Variants in RABGAP1L observed in about 807,000 individuals in gnomAD.
RABGAP1L encodes the protein rab GTPase-activating protein 1-like.
In RABGAP1L, 63 loss-of-function variants were observed where a neutral mutation model predicts 137.7. The observed-to-expected ratio is 0.46, with a 90% CI of 0.37 to 0.56. The LOEUF (loss-of-function observed/expected upper bound fraction) is 0.56. Ranked by LOEUF, RABGAP1L falls within the 20% of genes least tolerant of loss-of-function variation. The pLI is 0.00. For synonymous variants in RABGAP1L, 431 were observed against 433.7 expected (o/e 0.99, Z 0.08); for missense variants, 1,095 against 1,244.0 (o/e 0.88, Z 1.80).
At chr1:174,383,327 G>T (rs1686375882) in intron 12 of RABGAP1L, among the ~76,000 whole-genome samples, 1 of 151,454 alleles carries the variant, frequency 6.6e-6, no homozygotes, top group Non-Finnish European at 1.5e-5. Context: ...CCCAGTTCGA[G>T]CTTCCTGGCT....
rs770096406 is a variant in RABGAP1L at position 174,992,724 on chromosome 1, C to T, written c.*2723C>T. On this transcript the variant is annotated 3_prime_UTR_variant, in exon 26 of 26. Coordinates refer to ENST00000681986, the MANE Select transcript of RABGAP1L (RefSeq NM_001366446.1). ...ACAATATGTTATAATAGCAATATTCCAAACAATATGTCCTTCACTGTCTAT... is the reference window on the plus strand; with the variant it reads ...ACAATATGTTATAATAGCAATATTCTAAACAATATGTCCTTCACTGTCTAT... 4 of 152,108 alleles carry T rather than the reference C, an allele frequency of 2.6e-5. No individual in the cohort carries two copies. The highest frequency in any genetic ancestry group is 5.9e-5 in the Non-Finnish European group (4 of 68,018). 9.4% of individuals were successfully genotyped at this position (152,108 alleles called of 1,614,324 possible). A position where few individuals can be genotyped will look rare whatever the true frequency, so the allele number is the denominator to read the frequency against.
At chr1:174,487,630 A>G (rs2149345032) in intron 13 of RABGAP1L, among the ~76,000 whole-genome samples, 1 of 152,188 alleles carries the variant, frequency 6.6e-6, no homozygotes, top group South Asian at 2.1e-4. Context: ...ATTCAATGTT[A>G]TTATTGGTAA....
At chr1:174,791,372 T>TA (rs1170966298) in intron 18 of RABGAP1L, among the ~76,000 whole-genome samples, 1 of 152,164 alleles carries the variant, frequency 6.6e-6, no homozygotes, top group Admixed American at 6.6e-5. Flanking sequence ...ATGAAGATGT[T>TA]AGAGATTGCA....
At chr1:174,403,589 G>A (rs1043303568) in intron 13 of RABGAP1L, among the ~76,000 whole-genome samples, 3 of 151,986 alleles carry the variant, frequency 2.0e-5, no homozygotes, top group Non-Finnish European at 2.9e-5. Flanking sequence ...CTCATGATTA[G>A]CTTCTGCTAT....
intron 19 of RABGAP1L, among the ~76,000 whole-genome samples, chr1:174,817,445 C>T (rs1690556691): frequency 6.6e-6 from 1 of 151,726 alleles, no homozygotes; most frequent in African/African-American, 2.4e-5. Flanking sequence ...ATGCAGAAGC[C>T]CATAGGTAAA....
At chr1:174,281,359 G>C (rs1002615804) in intron 10 of RABGAP1L, among the ~76,000 whole-genome samples, 1 of 152,134 alleles carries the variant, frequency 6.6e-6, no homozygotes, top group Non-Finnish European at 1.5e-5. Flanking sequence ...ACAGAGTGCT[G>C]TTTGGTGTGT....
intron 14 of RABGAP1L, among the ~76,000 whole-genome samples, chr1:174,661,046 GAAA>G (rs1676336623): frequency 6.6e-6 from 1 of 152,156 alleles, no homozygotes. Context: ...TTGCCTCAGG[GAAA>G]GAAATGAAAG....
chr1:174,550,901 C>T (rs1338035751), intron 13 of RABGAP1L, among the ~76,000 whole-genome samples: 2,427 of 91,864 alleles, frequency 0.026, 269 homozygotes, highest in African/African-American at 0.15. Flanking sequence ...TATATACACA[C>T]ACACATATAC....
chr1:174,376,619 A>G lies in RABGAP1L; in HGVS notation c.1559+5547A>G, dbSNP rs555801585. 7.9e-5 allele frequency among the ~76,000 whole-genome samples: 12 copies of G among 152,366 alleles called. 1 individual carries two copies. The South Asian group carries it at 2.5e-3, about 32-fold the overall frequency. The stretch of plus-strand genomic sequence containing the variant: ...TATAATCATTTCAATAGATGCAGAA[A>G]AAGCATTTGACCCAATTCAGCATTC... On this transcript the variant is annotated intron_variant, in intron 12 of 25. Coordinates refer to ENST00000681986, the MANE Select transcript of RABGAP1L (RefSeq NM_001366446.1).
intron 18 of RABGAP1L, among the ~76,000 whole-genome samples, chr1:174,765,972 A>G (rs1297431947): frequency 6.6e-6 from 1 of 152,142 alleles, no homozygotes; most frequent in African/African-American, 2.4e-5. Flanking sequence ...CGTAACCCCT[A>G]GTTACTCAGA....
chr1:174,800,588 C>G (rs961709131), intron 18 of RABGAP1L: 2 of 1,476,578 alleles, frequency 1.4e-6, no homozygotes, highest in African/African-American at 1.4e-5. Flanking sequence ...GGCTTGTTGT[C>G]TCTGGTTTTC....
Position 174,708,444 on chromosome 1 carries a change from C to G in RABGAP1L, c.2169+6188C>G, listed in dbSNP as rs140330280. On this transcript the variant is annotated intron_variant, in intron 17 of 25. Transcript: ENST00000681986. The stretch of plus-strand genomic sequence containing the variant: ...TTTCTGCATTTTCAACTGAGGTACC[C>G]GGTTCATCTCACTGGGACTGGTTAG... Among the ~76,000 whole-genome samples the G allele has an allele frequency of 3.3e-5, 5 of 152,216 alleles. No individual in the cohort carries two copies. The East Asian group carries it at 9.7e-4, about 29-fold the overall frequency.
At position 174,712,995 on chromosome 1, in the gene RABGAP1L, TTG is replaced by T. The variant is rs1419212516; in HGVS notation, c.2169+10740_2169+10741del. 7.9e-5 allele frequency among the ~76,000 whole-genome samples: 12 copies of T among 152,272 alleles called. No individual in the cohort carries two copies. The East Asian group carries it at 2.3e-3, about 29-fold the overall frequency. ...AGGGTGGTCTTGGGAAATGCAATATTTGGGGACGAAAACAGAAATGCCTCTCC... is the reference window on the plus strand; with the variant it reads ...AGGGTGGTCTTGGGAAATGCAATATTGGGACGAAAACAGAAATGCCTCTCC... On this transcript the variant is annotated intron_variant, in intron 17 of 25. Coordinates refer to ENST00000681986, the MANE Select transcript of RABGAP1L (RefSeq NM_001366446.1).
intron 13 of RABGAP1L, among the ~76,000 whole-genome samples, chr1:174,419,494 G>A (rs903079995): frequency 8.5e-5 from 13 of 152,122 alleles, no homozygotes; most frequent in Non-Finnish European, 1.5e-5. Flanking sequence ...TGCTAAAAAT[G>A]TACACTATAT....
intron 13 of RABGAP1L, among the ~76,000 whole-genome samples, chr1:174,458,595 T>A (rs1353595400): frequency 6.6e-6 from 1 of 152,146 alleles, no homozygotes; most frequent in African/African-American, 2.4e-5. Flanking sequence ...AACACAGATC[T>A]ACTTTTTCTA....
intron 13 of RABGAP1L, among the ~76,000 whole-genome samples, chr1:174,497,600 G>A (rs1351713638): frequency 6.6e-6 from 1 of 151,990 alleles, no homozygotes; most frequent in Non-Finnish European, 1.5e-5. Flanking sequence ...TTTATTGCCT[G>A]AGGTCTTTCT....
chr1:174,599,415 A>C (rs1202375221), intron 13 of RABGAP1L, among the ~76,000 whole-genome samples: 1 of 152,182 alleles, frequency 6.6e-6, no homozygotes, highest in Non-Finnish European at 1.5e-5. Context: ...TTGTCTATGT[A>C]CTTCCTATTA....
intron 2 of RABGAP1L, among the ~76,000 whole-genome samples, chr1:174,220,038 A>G (rs532657666): frequency 6.6e-6 from 1 of 152,344 alleles, no homozygotes; most frequent in Non-Finnish European, 1.5e-5. Context: ...ATATTGTTTT[A>G]TAATTTTATT....
rs547696016 is a variant in RABGAP1L at position 174,197,261 on chromosome 1, A to G, written c.-33-21864A>G. 7.2e-5 allele frequency among the ~76,000 whole-genome samples: 11 copies of G among 152,374 alleles called. No individual in the cohort carries two copies. In the South Asian group the frequency reaches 2.3e-3, roughly 32 times the overall value. On this transcript the variant is annotated intron_variant, in intron 1 of 25. Coordinates refer to ENST00000681986, the MANE Select transcript of RABGAP1L (RefSeq NM_001366446.1). The stretch of plus-strand genomic sequence containing the variant: ...TAAGGTCATAAGGCTCATAAATAGT[A>G]GAGCCAGGATTAAACCCAAGTGTCT...
Sources: gnomAD v4.1 joint callset for allele counts (sites outside exome capture counted in the v4.1 genomes callset) on GRCh38, gnomAD v4.1.1 for gene constraint, MANE v1.5 for transcripts, NCBI Gene and HGNC (gene_info 2026-07-23, HGNC 2026-07-21) for gene names.